The following OTULINL variants were observed in gnomAD, a reference collection of about 807,000 sequenced individuals.
OTULINL encodes the protein inactive ubiquitin thioesterase OTULINL.
OTULINL carries 42 observed loss-of-function variants against 43.9 expected under a neutral mutation model. The observed-to-expected ratio is 0.96, with a 90% CI of 0.75 to 1.24. OTULINL has a LOEUF of 1.24. Among genes scored for constraint, OTULINL ranks in the 50% most tolerant of loss-of-function variants. The pLI is 0.00. For synonymous variants in OTULINL, 172 were observed against 153.6 expected, an observed-to-expected ratio of 1.12 and a Z score of -0.88; for missense variants, 411 against 426.4, an observed-to-expected ratio of 0.96 and a Z score of 0.32.
At chr5:14,595,274 T>C (rs1467940287) in intron 1 of OTULINL, among the ~76,000 whole-genome samples, 1 of 152,132 alleles carries the variant, frequency 6.6e-6, no homozygotes, top group East Asian at 1.9e-4. Flanking sequence ...ATATTGTATA[T>C]ACCATGAATA....
chr5:14,604,635 A>G (rs533291849), intron 5 of OTULINL, among the ~76,000 whole-genome samples: 1 of 152,374 alleles, frequency 6.6e-6, no homozygotes, highest in Admixed American at 6.5e-5. Context: ...GTTACTACCT[A>G]GATGCAGTGG....
rs200341398 is a variant in OTULINL, at chr5:14,610,095, A to G, written c.898-46A>G. On this transcript the variant is annotated intron_variant, in intron 7 of 7. Transcript: ENST00000274217. ...TCCCCCCACCGTGGCGGGAGGCAGG[A>G]ATTTGCAAGTGTGTATCTGTGACCT... The G allele has an allele frequency of 3.4e-5, 53 of 1,560,702 alleles. No homozygotes were observed. The East Asian group carries it at 4.5e-4, about 13-fold the overall frequency.
At position 14,612,725 on chromosome 5, in the gene OTULINL, T is replaced by C. The variant is rs946100367; in HGVS notation, c.*2411T>C. On this transcript the variant is annotated 3_prime_UTR_variant, in exon 8 of 8. Transcript: ENST00000274217. ...TGGGTGATGCCAACATTTAAATGTCTTTCTAACCGTATATGTTTTAAATGG... is the reference window on the plus strand; with the variant it reads ...TGGGTGATGCCAACATTTAAATGTCCTTCTAACCGTATATGTTTTAAATGG... 1 of 152,174 alleles carries C rather than the reference T, an allele frequency of 6.6e-6. No homozygotes were observed. The highest frequency in any genetic ancestry group is 1.5e-5 in the Non-Finnish European group (1 of 68,028). 9.4% of individuals were successfully genotyped at this position (152,174 alleles called of 1,614,324 possible). A position where few individuals can be genotyped will look rare whatever the true frequency, so the allele number is the denominator to read the frequency against.
intron 1 of OTULINL, among the ~76,000 whole-genome samples, chr5:14,598,459 A>T (rs1245101067): frequency 6.6e-6 from 1 of 152,182 alleles, no homozygotes; most frequent in East Asian, 1.9e-4. Flanking sequence ...GAAAATGTGC[A>T]CACCCTGTGA....
At chr5:14,600,890 C>A in intron 1 of OTULINL, 75 bp from the exon 2 acceptor site, 1 of 1,252,036 alleles carries the variant, frequency 8.0e-7, no homozygotes, top group Non-Finnish European at 1.0e-6. Context: ...TCTCTCTCTG[C>A]ATTTTTTTTC....
At chr5:14,607,256 C>A in intron 5 of OTULINL, 74 bp from the exon 6 acceptor site, 1 of 1,458,234 alleles carries the variant, frequency 6.9e-7, no homozygotes, top group Non-Finnish European at 9.4e-7. Flanking sequence ...AGGTTGTGTG[C>A]TGTGCTATAC....
intron 4 of OTULINL, 38 bp downstream of exon 4, chr5:14,601,480 TTGTC>T (rs1579923807): frequency 6.5e-7 from 1 of 1,547,466 alleles, no homozygotes; most frequent in Non-Finnish European, 8.9e-7. Flanking sequence ...GAAATAGAGT[TTGTC>T]TGTCAAAATC....
At chr5:14,585,787 G>A (rs1334883308) in intron 1 of OTULINL, among the ~76,000 whole-genome samples, 1 of 152,226 alleles carries the variant, frequency 6.6e-6, no homozygotes, top group East Asian at 1.9e-4. Context: ...GTAAGCCCTG[G>A]CATGGGACTC....
rs1244581188 is a variant in OTULINL, at chr5:14,613,808, A to C, written c.*3494A>C. 1.3e-5 allele frequency among the ~76,000 whole-genome samples: 2 copies of C among 152,210 alleles called. No individual in the cohort carries two copies. Among genetic ancestry groups the C allele is most frequent in the Non-Finnish European group, 2.9e-5 (2 of 68,036 alleles). Reference sequence around the variant, plus strand: ...CTGGTGGAGGATGGGCTCAACCTCCATGAGAGAAGAGCAGCCAGGATCAGG... The same window carrying C: ...CTGGTGGAGGATGGGCTCAACCTCCCTGAGAGAAGAGCAGCCAGGATCAGG... On this transcript the variant is annotated 3_prime_UTR_variant, in exon 8 of 8. Transcript: ENST00000274217.
At chr5:14,606,073 T>C (rs757573102) in intron 5 of OTULINL, among the ~76,000 whole-genome samples, 6 of 152,162 alleles carry the variant, frequency 3.9e-5, no homozygotes, top group Non-Finnish European at 5.9e-5. Flanking sequence ...AAGACATAAC[T>C]GAGACTGAGC....
chr5:14,612,581 T>C lies in OTULINL; in HGVS notation c.*2267T>C, dbSNP rs1053097302. On this transcript the variant is annotated 3_prime_UTR_variant, in exon 8 of 8. Coordinates refer to ENST00000274217, the MANE Select transcript of OTULINL (RefSeq NM_019018.3). ...TAGGGAGGAGGTATGAGGTGTTGTG[T>C]TGTTTTGTTTGTTTTTATTCAGTTG... 2.6e-5 allele frequency: 4 copies of C among 152,180 alleles called. No individual in the cohort carries two copies. The highest frequency in any genetic ancestry group is 5.9e-5 in the Non-Finnish European group (4 of 68,024). 9.4% of individuals were successfully genotyped at this position (152,180 alleles called of 1,614,324 possible).
At chr5:14,604,650 A>G (rs906473865) in intron 5 of OTULINL, among the ~76,000 whole-genome samples, 8 of 152,250 alleles carry the variant, frequency 5.3e-5, no homozygotes, top group Non-Finnish European at 1.2e-4. Flanking sequence ...CAGTGGGGAT[A>G]CTGGGTAAAT....
Position 14,614,823 on chromosome 5 carries a change from T to C in OTULINL, c.*4509T>C, listed in dbSNP as rs1051571168. ...AATCCTAGCTGGTGTCTCGTTCTGT[T>C]TAAAAAAATCAAATTTCTGTATGTA... On this transcript the variant is annotated 3_prime_UTR_variant, in exon 8 of 8. Coordinates refer to ENST00000274217, the MANE Select transcript of OTULINL (RefSeq NM_019018.3). 4 of 398,282 alleles carry C rather than the reference T, an allele frequency of 1.0e-5. No individual in the cohort carries two copies. The highest frequency in any genetic ancestry group is 4.4e-5 in the Admixed American group (1 of 22,714). The allele number at this position is 398,282 out of a possible 1,614,324, so 24.7% of individuals were successfully genotyped here. A position where few individuals can be genotyped will look rare whatever the true frequency, so the allele number is the denominator to read the frequency against.
intron 1 of OTULINL, among the ~76,000 whole-genome samples, chr5:14,591,044 G>A (rs902113137): frequency 6.6e-6 from 1 of 152,198 alleles, no homozygotes; most frequent in South Asian, 2.1e-4. Context: ...AAAAGGATTA[G>A]TAACTATTAG....
At chr5:14,595,070 A>G (rs189928137) in intron 1 of OTULINL, among the ~76,000 whole-genome samples, 13 of 152,252 alleles carry the variant, frequency 8.5e-5, no homozygotes, top group Admixed American at 7.2e-4. Context: ...CACTGTATGT[A>G]TATTTCTTCA....
chr5:14,588,611 T>A (rs929165057), intron 1 of OTULINL, among the ~76,000 whole-genome samples: 8 of 152,160 alleles, frequency 5.3e-5, no homozygotes, highest in African/African-American at 1.9e-4. Flanking sequence ...GGTGAATACA[T>A]TTATTTCTCT....
At chr5:14,601,530 A>G in intron 4 of OTULINL, 88 bp downstream of exon 4, 1 of 1,209,354 alleles carries the variant, frequency 8.3e-7, no homozygotes, top group Non-Finnish European at 1.2e-6. Context: ...TACTAAATCC[A>G]GATATCCATC....
chr5:14,583,325 A>G (rs992067804), intron 1 of OTULINL, among the ~76,000 whole-genome samples: 5 of 152,070 alleles, frequency 3.3e-5, no homozygotes, highest in Admixed American at 6.5e-5. Context: ...TGGAGAATGA[A>G]CTCATTTTTT....
chr5:14,610,432 A>C lies in OTULINL; in HGVS notation c.*118A>C. On this transcript the variant is annotated 3_prime_UTR_variant, in exon 8 of 8. Coordinates refer to ENST00000274217, the MANE Select transcript of OTULINL (RefSeq NM_019018.3). ...TGGAAGGAATTAGGACCTTTTCTTC[A>C]GGATTACAGGTACACTGGATGCAGC... The C allele has an allele frequency of 9.9e-7, 1 of 1,015,022 alleles. No homozygotes were observed. The highest frequency in any genetic ancestry group is 1.4e-6 in the Non-Finnish European group (1 of 697,516). The allele number at this position is 1,015,022 out of a possible 1,614,324, so 62.9% of individuals were successfully genotyped here. A position where few individuals can be genotyped will look rare whatever the true frequency, so the allele number is the denominator to read the frequency against.
Sources: gnomAD v4.1 joint callset for allele counts (sites outside exome capture counted in the v4.1 genomes callset) on GRCh38, gnomAD v4.1.1 for gene constraint, MANE v1.5 for transcripts, NCBI Gene and HGNC (gene_info 2026-07-23, HGNC 2026-07-21) for gene names.